The following NDUFA10 variants were observed in gnomAD, a reference collection of about 807,000 sequenced individuals.
NDUFA10 encodes NADH dehydrogenase [ubiquinone] 1 alpha subcomplex subunit 10, mitochondrial.
In NDUFA10, 40 loss-of-function variants were observed where a neutral mutation model predicts 47.8. The ratio of observed to expected loss-of-function variants is 0.84; its 90% CI spans 0.65 to 1.09. NDUFA10 has a LOEUF of 1.09. Ranked by LOEUF, NDUFA10 falls within the 50% of genes least tolerant of loss-of-function variation. The pLI is 0.00. For synonymous variants in NDUFA10, 183 were observed against 172.2 expected (o/e 1.06, Z -0.49); for missense variants, 413 against 451.1 (o/e 0.92, Z 0.76).
At chr2:239,918,309 G>A (rs1693911942) in intron 4 of NDUFA10, among the ~76,000 whole-genome samples, 2 of 152,214 alleles carry the variant, frequency 1.3e-5, no homozygotes, top group African/African-American at 4.8e-5. Context: ...CCCTCACCAA[G>A]GAGGACTGGA....
At position 239,957,903 on chromosome 2, in the gene NDUFA10, G is replaced by A. The variant is rs761840542; in HGVS notation, c.*3215C>T. On this transcript the variant is annotated 3_prime_UTR_variant, in exon 10 of 10. Transcript: ENST00000252711. ...TTTCCCAAGGGAAGCTCGCTGCTTCGAGTCACACACGTGTTGCTGTTATAA... is the reference window on the plus strand; with the variant it reads ...TTTCCCAAGGGAAGCTCGCTGCTTCAAGTCACACACGTGTTGCTGTTATAA... 1 of 152,240 alleles carries A rather than the reference G, an allele frequency of 6.6e-6. No individual in the cohort carries two copies. Among genetic ancestry groups the A allele is most frequent in the Non-Finnish European group, 1.5e-5 (1 of 68,056 alleles). The allele number at this position is 152,240 out of a possible 1,614,324, so 9.4% of individuals were successfully genotyped here.
chr2:239,910,727 G>GA (rs1463200126), intron 4 of NDUFA10, among the ~76,000 whole-genome samples: 5 of 151,006 alleles, frequency 3.3e-5, no homozygotes, highest in East Asian at 2.0e-4. Context: ...AATGAAAGTG[G>GA]AAGAAAAAAA....
chr2:239,996,269 A>C (rs1052174658), intron 8 of NDUFA10, among the ~76,000 whole-genome samples: 1 of 152,204 alleles, frequency 6.6e-6, no homozygotes, highest in South Asian at 2.1e-4. Context: ...TTGGAACACT[A>C]ATCAAGATAG....
chr2:239,959,188 G>T lies in NDUFA10; in HGVS notation c.*1930C>A. 1.4e-5 allele frequency: 14 copies of T among 982,312 alleles called. No individual in the cohort carries two copies. Among genetic ancestry groups the T allele is most frequent in the Non-Finnish European group, 1.7e-5 (14 of 828,272 alleles). 60.8% of individuals were successfully genotyped at this position (982,312 alleles called of 1,614,324 possible). The stretch of plus-strand genomic sequence containing the variant: ...CCATCAAGGGAATGCAACCACACAG[G>T]GTCAGACGCAAACACAGGGGATGAT... On this transcript the variant is annotated 3_prime_UTR_variant, in exon 10 of 10. Transcript: ENST00000252711.
intron 9 of NDUFA10, chr2:239,973,574 G>A (rs944556176): frequency 8.5e-6 from 4 of 471,008 alleles, no homozygotes; most frequent in Non-Finnish European, 1.8e-5. Flanking sequence ...AGGAGGGAAC[G>A]ATCAGCTTCA....
At chr2:239,933,017 G>A (rs78724618) in intron 4 of NDUFA10, among the ~76,000 whole-genome samples, 12,036 of 152,250 alleles carry the variant, frequency 0.079, 684 homozygotes, top group East Asian at 0.21. Context: ...GACAAGTGAC[G>A]GCAGCCCGTG....
intron 4 of NDUFA10, among the ~76,000 whole-genome samples, chr2:239,932,486 G>A (rs1370997703): frequency 6.6e-6 from 1 of 152,084 alleles, no homozygotes. Flanking sequence ...TTGCTTACAC[G>A]TTTCTTGCTA....
intron 4 of NDUFA10, among the ~76,000 whole-genome samples, chr2:239,939,427 A>T (rs1694322735): frequency 1.3e-5 from 2 of 152,368 alleles, no homozygotes; most frequent in South Asian, 4.1e-4. Flanking sequence ...AGGCAGCTGC[A>T]GTGGAAACAG....
At chr2:239,895,121 TC>T in intron 5 of NDUFA10, 1 of 302,202 alleles carries the variant, frequency 3.3e-6, no homozygotes, top group South Asian at 2.7e-5. Context: ...CTCTTCCTTA[TC>T]CCCACCATCC....
rs1306136928 is a variant in NDUFA10 at position 239,898,995 on chromosome 2, GATGGAGAGGTGTGATGGAGGGGAGTC to G, written c.295-3707_295-3682del. ...ATGAAGAGGTATGATGGAGAGGTGT[GATGGAGAGGTGTGATGGAGGGGAGTC>G]ATGGAGGGGTGTAAAGGAGGGGTGT... On this transcript the variant is annotated intron_variant, in intron 4 of 5. Coordinates refer to the NDUFA10 transcript ENST00000419408. 1.4e-4 allele frequency among the ~76,000 whole-genome samples: 18 copies of G among 126,676 alleles called. 1 individual carries two copies. Among genetic ancestry groups the G allele is most frequent in the Non-Finnish European group, 2.5e-4 (14 of 56,462 alleles). The allele number at this position is 126,676 out of a possible 152,430, so 83.1% of individuals were successfully genotyped here.
intron 9 of NDUFA10, among the ~76,000 whole-genome samples, chr2:239,964,838 C>A (rs1694996257): frequency 6.6e-6 from 1 of 152,178 alleles, no homozygotes; most frequent in South Asian, 2.1e-4. Flanking sequence ...GGACCAACTG[C>A]AGAATTAAGC....
chr2:239,924,454 T>C (rs1366359964), intron 4 of NDUFA10, among the ~76,000 whole-genome samples: 1 of 152,042 alleles, frequency 6.6e-6, no homozygotes, highest in Non-Finnish European at 1.5e-5. Context: ...CACATTATCA[T>C]ATCAATTGAT....
intron 4 of NDUFA10, among the ~76,000 whole-genome samples, chr2:239,911,078 A>G (rs533223812): frequency 2.0e-4 from 30 of 152,212 alleles, no homozygotes; most frequent in Admixed American, 3.3e-4. Flanking sequence ...GGCAGAGGGC[A>G]CTCAGCCGTA....
In NDUFA10 at chr2:239,959,195, C is replaced by T. The variant is rs985154313; in HGVS notation, c.*1923G>A. 23 of 951,046 alleles carry T rather than the reference C, an allele frequency of 2.4e-5. No homozygotes were observed. In the African/African-American group the frequency reaches 3.5e-4, roughly 15 times the overall value. 58.9% of individuals were successfully genotyped at this position (951,046 alleles called of 1,614,324 possible). On this transcript the variant is annotated 3_prime_UTR_variant, in exon 10 of 10. Coordinates refer to ENST00000252711, the MANE Select transcript of NDUFA10 (RefSeq NM_004544.4). ...GGGAATGCAACCACACAGGGTCAGA[C>T]GCAAACACAGGGGATGATCAGAGCA...
chr2:239,971,149 T>C (rs997040893), intron 9 of NDUFA10, among the ~76,000 whole-genome samples: 1 of 152,262 alleles, frequency 6.6e-6, no homozygotes, highest in Non-Finnish European at 1.5e-5. Context: ...AATGCTACTT[T>C]GTAAGAAGAA....
chr2:239,999,232 T>C (rs13409579), intron 8 of NDUFA10, among the ~76,000 whole-genome samples: 87,356 of 152,148 alleles, frequency 0.57, 25,240 homozygotes, highest in Admixed American at 0.6. Flanking sequence ...TGCCCCTGTT[T>C]CACGTAGGGA....
chr2:239,978,374 CT>C (rs1184884643), intron 9 of NDUFA10, among the ~76,000 whole-genome samples: 1 of 152,200 alleles, frequency 6.6e-6, no homozygotes, highest in Non-Finnish European at 1.5e-5. Flanking sequence ...TTCACCACCC[CT>C]GACCTTCCTG....
chr2:240,023,581 G>A (rs948897146), intron 1 of NDUFA10, among the ~76,000 whole-genome samples: 22 of 152,084 alleles, frequency 1.4e-4, no homozygotes, highest in African/African-American at 5.3e-4. Flanking sequence ...CACCAAAAAT[G>A]CAAATAGAAA....
chr2:239,951,175 G>T (rs952159097), intron 4 of NDUFA10, among the ~76,000 whole-genome samples: 1 of 152,222 alleles, frequency 6.6e-6, no homozygotes, highest in African/African-American at 2.4e-5. Context: ...CTGACCACAA[G>T]ACATCAGAAG....
Sources: gnomAD v4.1 joint callset for allele counts (sites outside exome capture counted in the v4.1 genomes callset) on GRCh38, gnomAD v4.1.1 for gene constraint, MANE v1.5 for transcripts, NCBI Gene and HGNC (gene_info 2026-07-23, HGNC 2026-07-21) for gene names.